The following VWA8 variants were observed in gnomAD, a reference collection of about 807,000 sequenced individuals.
VWA8 encodes von Willebrand factor A domain-containing protein 8.
In VWA8, 221 loss-of-function variants were observed where a neutral mutation model predicts 241.5. The observed-to-expected ratio is 0.91, with a 90% confidence interval of 0.82 to 1.02. VWA8 has a LOEUF of 1.02. Among genes scored for constraint, VWA8 ranks in the 50% least tolerant of loss-of-function variants. The pLI, the probability that VWA8 is intolerant of heterozygous loss-of-function variation, is 0.00. For missense variants in VWA8, 2,322 were observed against 2,328.7 expected, an observed-to-expected ratio of 1.00 and a Z score of 0.06; for synonymous variants, 852 against 827.1, an observed-to-expected ratio of 1.03 and a Z score of -0.52.
chr13:41,581,147 C>T (rs2044380547), intron 42 of VWA8, among the ~76,000 whole-genome samples: 2 of 127,550 alleles, frequency 1.6e-5, no homozygotes, highest in Non-Finnish European at 3.1e-5. Flanking sequence ...ACTACAGGCG[C>T]CCGCCACCTC....
chr13:41,616,251 C>T (rs931878085), intron 37 of VWA8, among the ~76,000 whole-genome samples: 2 of 152,162 alleles, frequency 1.3e-5, no homozygotes, highest in Non-Finnish European at 2.9e-5. Flanking sequence ...TACTGTCTTA[C>T]GTCCAAGTTG....
At chr13:41,898,932 G>GCGCAGCCCCGATTCCCGCT (rs1875287461) in intron 4 of VWA8, among the ~76,000 whole-genome samples, 1 of 152,146 alleles carries the variant, frequency 6.6e-6, no homozygotes. Context: ...CAAGCGCCGC[G>GCGCAGCCCCGATTCCCGCT]CGCAGCCCCG....
intron 21 of VWA8, among the ~76,000 whole-genome samples, chr13:41,750,705 GTGC>G (rs1229999117): frequency 6.6e-6 from 1 of 152,124 alleles, no homozygotes; most frequent in Non-Finnish European, 1.5e-5. Context: ...CTGCAACCTT[GTGC>G]TAAGACTTCA....
intron 9 of VWA8, among the ~76,000 whole-genome samples, chr13:41,881,595 G>C (rs1173947542): frequency 6.6e-6 from 1 of 150,454 alleles, no homozygotes; most frequent in African/African-American, 2.4e-5. Flanking sequence ...TCCCAGACGG[G>C]GTGGTGGCCA....
At chr13:41,841,855 A>ATATATATG (rs1423970442) in intron 12 of VWA8, among the ~76,000 whole-genome samples, 1 of 89,016 alleles carries the variant, frequency 1.1e-5, no homozygotes, top group African/African-American at 5.3e-5. Flanking sequence ...ATATATATAT[A>ATATATATG]TATAAAAACA....
intron 2 of VWA8, among the ~76,000 whole-genome samples, chr13:41,939,127 T>C (rs978164279): frequency 2.6e-5 from 4 of 152,162 alleles, no homozygotes; most frequent in Admixed American, 6.5e-5. Context: ...AATGGCCTCA[T>C]GTATAATTGG....
At chr13:41,794,898 T>G (rs2137952786) in intron 17 of VWA8, among the ~76,000 whole-genome samples, 1 of 152,072 alleles carries the variant, frequency 6.6e-6, no homozygotes, top group South Asian at 2.1e-4. Flanking sequence ...CAGGCAAAGA[T>G]TTCATGAGGA....
intron 40 of VWA8, among the ~76,000 whole-genome samples, chr13:41,602,660 T>C (rs949053909): frequency 1.3e-5 from 2 of 152,128 alleles, no homozygotes; most frequent in Non-Finnish European, 2.9e-5. Flanking sequence ...ATGAAGTGAA[T>C]CCTTCTATAG....
Position 41,570,547 on chromosome 13 carries a change from ACTTAG to A in VWA8, c.5525_5529del (p.Ala1842ValfsTer23). On this transcript the variant is annotated frameshift_variant, in exon 44 of 45. Coordinates refer to ENST00000379310, the MANE Select transcript of VWA8 (RefSeq NM_015058.2). LOFTEE classifies it high-confidence loss of function. ...GGGTCTCTTGTGAGGATTTGAGCAAACTTAGCAGGATGTATTCCATATCGTGACAG... is the reference window on the plus strand; with the variant it reads ...GGGTCTCTTGTGAGGATTTGAGCAAACAGGATGTATTCCATATCGTGACAG... 6.2e-7 allele frequency: 1 copy of A among 1,614,192 alleles called. No homozygotes were observed. Among genetic ancestry groups the A allele is most frequent in the Non-Finnish European group, 8.5e-7 (1 of 1,180,034 alleles).
intron 20 of VWA8, among the ~76,000 whole-genome samples, chr13:41,761,518 T>C (rs7331030): frequency 0.16 from 24,210 of 152,032 alleles, 2,104 homozygotes; most frequent in Non-Finnish European, 0.2. Flanking sequence ...CAGATGCCTA[T>C]AGTATTAACT....
At chr13:41,605,061 T>C in intron 40 of VWA8, 107 bp downstream of exon 40, 1 of 1,042,358 alleles carries the variant, frequency 9.6e-7, no homozygotes, top group Non-Finnish European at 1.4e-6. Flanking sequence ...CACTGAGACA[T>C]TTTTTCGGAC....
intron 2 of VWA8, among the ~76,000 whole-genome samples, chr13:41,917,822 T>C (rs1327314864): frequency 6.6e-6 from 1 of 152,228 alleles, no homozygotes; most frequent in Non-Finnish European, 1.5e-5. Context: ...GACATTTCAT[T>C]ACCATTTCAT....
At chr13:41,758,397 A>ATATAT (rs1566444703) in intron 21 of VWA8, among the ~76,000 whole-genome samples, 7 of 8,626 alleles carry the variant, frequency 8.1e-4, no homozygotes, top group South Asian at 8.1e-3. Flanking sequence ...TATATACGCT[A>ATATAT]GTATATATAT....
chr13:41,690,111 T>C (rs1047022818), intron 33 of VWA8, 55 bp downstream of exon 33: 4 of 1,479,474 alleles, frequency 2.7e-6, no homozygotes, highest in Non-Finnish European at 3.7e-6. Context: ...TAGAAGACAG[T>C]ATATGTACAA....
chr13:41,664,865 A>T (rs2044976533), intron 37 of VWA8, among the ~76,000 whole-genome samples: 1 of 152,166 alleles, frequency 6.6e-6, no homozygotes, highest in African/African-American at 2.4e-5. Context: ...CTCAGGACTC[A>T]GAGTAAATGA....
chr13:41,765,219 A>G (rs531435948), intron 20 of VWA8, among the ~76,000 whole-genome samples: 11 of 152,072 alleles, frequency 7.2e-5, no homozygotes, highest in Admixed American at 6.5e-5. Context: ...TTAATTTTGG[A>G]TATGTTTACT....
At chr13:41,852,387 T>C (rs548051806) in intron 12 of VWA8, among the ~76,000 whole-genome samples, 34 of 152,326 alleles carry the variant, frequency 2.2e-4, no homozygotes, top group African/African-American at 8.2e-4. Flanking sequence ...TTTTGTAGAC[T>C]GACTCTTCTC....
intron 3 of VWA8, among the ~76,000 whole-genome samples, chr13:41,910,442 G>A (rs1445683328): frequency 6.6e-6 from 1 of 151,942 alleles, no homozygotes; most frequent in Non-Finnish European, 1.5e-5. Context: ...AAAATTAGCC[G>A]GGTGTGGTGG....
intron 4 of VWA8, among the ~76,000 whole-genome samples, chr13:41,902,161 G>A (rs953718259): frequency 6.6e-6 from 1 of 151,694 alleles, no homozygotes; most frequent in African/African-American, 2.4e-5. Context: ...AGAAAAAATA[G>A]GAATGTTAAA....
Sources: gnomAD v4.1 joint callset for allele counts (sites outside exome capture counted in the v4.1 genomes callset) on GRCh38, gnomAD v4.1.1 for gene constraint, MANE v1.5 for transcripts, NCBI Gene and HGNC (gene_info 2026-07-23, HGNC 2026-07-21) for gene names.